Variants in SCHIP1 observed in about 807,000 individuals in gnomAD.
The protein encoded by SCHIP1 is schwannomin interacting protein 1, also known as schwannomin-interacting protein 1.
In SCHIP1, 8 loss-of-function variants were observed where a neutral mutation model predicts 29.7. The observed-to-expected ratio is 0.27, with a 90% CI of 0.16 to 0.49. The LOEUF (loss-of-function observed/expected upper bound fraction) is 0.49. Ranked by LOEUF, SCHIP1 falls within the 20% of genes least tolerant of loss-of-function variation. SCHIP1 has a pLI of 0.99. For missense variants in SCHIP1, 193 were observed against 294.6 expected (o/e 0.66, Z 2.52); for synonymous variants, 76 against 94.9 (o/e 0.80, Z 1.16).
At chr3:159,632,921 T>A in the SCHIP1 span, among the ~76,000 whole-genome samples, 1 of 152,196 alleles carries the variant, frequency 6.6e-6, no homozygotes, top group Non-Finnish European at 1.5e-5. Flanking sequence ...AATAAGGTGC[T>A]GAAGATGAAA....
chr3:159,341,363 A>G, the SCHIP1 span, among the ~76,000 whole-genome samples: 4 of 152,142 alleles, frequency 2.6e-5, no homozygotes, highest in African/African-American at 7.2e-5. Context: ...AGGGGATTTG[A>G]CTTTGGGCAA....
chr3:159,884,948 G>T (rs1322641813), intron 2 of SCHIP1, among the ~76,000 whole-genome samples: 6 of 152,170 alleles, frequency 3.9e-5, no homozygotes, highest in Admixed American at 3.3e-4. Context: ...TCTTACAGGG[G>T]TTGTAAGCTG....
the SCHIP1 span, among the ~76,000 whole-genome samples, chr3:159,354,038 A>AAAC: frequency 2.0e-4 from 31 of 152,318 alleles, no homozygotes; most frequent in African/African-American, 7.2e-4. Flanking sequence ...CATTTCATGA[A>AAAC]AACGAACTGT....
chr3:159,636,536 G>A, the SCHIP1 span, among the ~76,000 whole-genome samples: 53 of 152,120 alleles, frequency 3.5e-4, no homozygotes, highest in Non-Finnish European at 4.6e-4. Context: ...CAAGCTATAA[G>A]GATAAGGAAT....
chr3:159,897,071 A>AT (rs1229906464), exon 7 of SCHIP1: 11 of 225,980 alleles, frequency 4.9e-5, no homozygotes, highest in African/African-American at 2.3e-4. Flanking sequence ...TTGTTTAGAG[A>AT]TTTTAAGTTG....
chr3:159,578,477 G>C, the SCHIP1 span, among the ~76,000 whole-genome samples: 1 of 152,004 alleles, frequency 6.6e-6, no homozygotes, highest in East Asian at 1.9e-4. Context: ...TTCCATATGT[G>C]GCTCAAATTT....
chr3:159,451,843 G>A, the SCHIP1 span, among the ~76,000 whole-genome samples: 2 of 152,154 alleles, frequency 1.3e-5, no homozygotes, highest in African/African-American at 4.8e-5. Flanking sequence ...AGGTTTGATT[G>A]GAGCCTGTAG....
the SCHIP1 span, among the ~76,000 whole-genome samples, chr3:159,564,536 C>CT: frequency 6.6e-6 from 1 of 152,238 alleles, no homozygotes; most frequent in Non-Finnish European, 1.5e-5. Flanking sequence ...GCCACCATGC[C>CT]TGGCTAATTT....
At chr3:159,293,305 G>A in the SCHIP1 span, among the ~76,000 whole-genome samples, 1 of 152,140 alleles carries the variant, frequency 6.6e-6, no homozygotes, top group Non-Finnish European at 1.5e-5. Context: ...TTCCCATGTG[G>A]ATATGGGTAC....
chr3:159,698,539 C>A, the SCHIP1 span, among the ~76,000 whole-genome samples: 1 of 152,208 alleles, frequency 6.6e-6, no homozygotes, highest in Non-Finnish European at 1.5e-5. Context: ...TTGCAATGCA[C>A]TTGCTTGATA....
chr3:159,390,858 GAAAA>G, the SCHIP1 span, among the ~76,000 whole-genome samples: 2 of 151,832 alleles, frequency 1.3e-5, no homozygotes, highest in African/African-American at 2.4e-5. Flanking sequence ...CTCAGGGAGA[GAAAA>G]AAATTAAGGT....
chr3:159,325,707 T>C, the SCHIP1 span, among the ~76,000 whole-genome samples: 2 of 152,072 alleles, frequency 1.3e-5, no homozygotes, highest in Non-Finnish European at 2.9e-5. Flanking sequence ...CAATTTACTC[T>C]AAAAGCACCT....
At chr3:159,792,673 T>C in the SCHIP1 span, among the ~76,000 whole-genome samples, 1 of 152,220 alleles carries the variant, frequency 6.6e-6, no homozygotes, top group African/African-American at 2.4e-5. Context: ...TCATCTCTAG[T>C]AAGGATTTGA....
the SCHIP1 span, among the ~76,000 whole-genome samples, chr3:159,445,426 G>A: frequency 6.6e-6 from 1 of 150,926 alleles, no homozygotes; most frequent in African/African-American, 2.4e-5. Flanking sequence ...TACACTGTTG[G>A]TGGGACTGTA....
chr3:159,869,507 T>A (rs1244128323), intron 2 of SCHIP1, among the ~76,000 whole-genome samples: 1 of 151,902 alleles, frequency 6.6e-6, no homozygotes, highest in Non-Finnish European at 1.5e-5. Context: ...TACTCACTGA[T>A]CTTATAGACT....
At chr3:159,610,498 A>G in the SCHIP1 span, among the ~76,000 whole-genome samples, 1 of 152,140 alleles carries the variant, frequency 6.6e-6, no homozygotes, top group Non-Finnish European at 1.5e-5. Context: ...CTCACTTTGA[A>G]TGCCAAATGT....
At chr3:159,697,958 G>C in the SCHIP1 span, among the ~76,000 whole-genome samples, 1 of 152,196 alleles carries the variant, frequency 6.6e-6, no homozygotes, top group Non-Finnish European at 1.5e-5. Context: ...AAGAGACAAA[G>C]AGATTAAAAG....
the SCHIP1 span, among the ~76,000 whole-genome samples, chr3:159,457,825 A>G: frequency 3.3e-5 from 5 of 152,296 alleles, no homozygotes; most frequent in African/African-American, 9.6e-5. Context: ...ATAAAATAGA[A>G]TAATTATAAC....
At chr3:159,280,831 C>G in the SCHIP1 span, among the ~76,000 whole-genome samples, 13 of 152,264 alleles carry the variant, frequency 8.5e-5, no homozygotes, top group East Asian at 2.5e-3. Context: ...GAAGGATGAA[C>G]TGTGCCAGGC....
Sources: allele counts gnomAD v4.1 joint callset (sites outside exome capture counted in the v4.1 genomes callset), GRCh38; gene constraint gnomAD v4.1.1; transcripts MANE v1.5; gene names NCBI Gene and HGNC (gene_info 2026-07-23, HGNC 2026-07-21).